The following SDK1 variants were observed in gnomAD, a reference collection of about 807,000 sequenced individuals.
SDK1 encodes sidekick cell adhesion molecule 1, also known as protein sidekick-1.
In SDK1, 157 loss-of-function variants were observed where a neutral mutation model predicts 245.5. That is an observed-to-expected ratio of 0.64 (90% confidence interval 0.56 to 0.73). SDK1 has a LOEUF of 0.73. SDK1 is among the 30% of genes least tolerant of loss of function. The pLI is 0.00. For synonymous variants in SDK1, 1,647 were observed against 1,278.5 expected (o/e 1.29, Z -6.15); for missense variants, 3,583 against 3,002.3 (o/e 1.19, Z -4.52).
At chr7:3,623,779 C>G (rs1253243847) in intron 2 of SDK1, among the ~76,000 whole-genome samples, 1 of 152,062 alleles carries the variant, frequency 6.6e-6, no homozygotes, top group African/African-American at 2.4e-5. Flanking sequence ...TAATGCTAGG[C>G]ACAATATTTA....
intron 4 of SDK1, among the ~76,000 whole-genome samples, chr7:3,724,380 C>A (rs769294353): frequency 6.6e-6 from 1 of 151,976 alleles, no homozygotes; most frequent in Non-Finnish European, 1.5e-5. Context: ...TGAGACCAGC[C>A]TGGGCAACAT....
chr7:3,436,946 G>T (rs1780039528), intron 1 of SDK1, among the ~76,000 whole-genome samples: 1 of 152,162 alleles, frequency 6.6e-6, no homozygotes, highest in Admixed American at 6.5e-5. Context: ...AGCAAAAAAT[G>T]TAGAACATAG....
intron 1 of SDK1, among the ~76,000 whole-genome samples, chr7:3,435,585 G>A (rs576015882): frequency 1.5e-4 from 23 of 151,754 alleles, no homozygotes; most frequent in African/African-American, 5.3e-4. Flanking sequence ...GGCTGGTTTC[G>A]AACTCCTGAG....
chr7:3,498,482 A>G (rs1782091893), intron 1 of SDK1, among the ~76,000 whole-genome samples: 2 of 152,194 alleles, frequency 1.3e-5, no homozygotes, highest in South Asian at 4.1e-4. Context: ...TAAATGATAC[A>G]TGTTAAGTGC....
chr7:3,533,052 C>T (rs1783402836), intron 1 of SDK1, among the ~76,000 whole-genome samples: 2 of 152,204 alleles, frequency 1.3e-5, no homozygotes, highest in Non-Finnish European at 2.9e-5. Context: ...TCCAATTATT[C>T]TATCAAATTA....
intron 1 of SDK1, among the ~76,000 whole-genome samples, chr7:3,541,757 C>T (rs2128620663): frequency 6.6e-6 from 1 of 152,194 alleles, no homozygotes; most frequent in Non-Finnish European, 1.5e-5. Context: ...GGAATTCCTC[C>T]AATAAGACAT....
chr7:3,767,661 A>G (rs778200643), intron 4 of SDK1, among the ~76,000 whole-genome samples: 14 of 152,204 alleles, frequency 9.2e-5, no homozygotes, highest in Non-Finnish European at 1.8e-4. Flanking sequence ...AGATGAAGAA[A>G]CAGAAGCACT....
intron 21 of SDK1, 79 bp from the exon 22 acceptor site, chr7:4,079,384 T>C: frequency 1.3e-6 from 2 of 1,535,952 alleles, no homozygotes; most frequent in Non-Finnish European, 1.8e-6. Context: ...TGTTTACTTT[T>C]GAAGCTGACA....
rs148356271 is a variant in SDK1, at chr7:3,379,424, TC to T, written c.298+77542del. Among the ~76,000 whole-genome samples, 621 of 152,054 alleles carry T rather than the reference TC, an allele frequency of 4.1e-3. 7 individuals are homozygous for T. Among genetic ancestry groups the T allele is most frequent in the African/African-American group, 0.014 (573 of 41,454 alleles). ...GCACGTGTGACAATTGACCTGAGAT[TC>T]CAAGGAAGAAAAGGAGTGACTCAGT... is the stretch of plus-strand genomic sequence containing the variant. On this transcript the variant is annotated intron_variant, in intron 1 of 44. Transcript: ENST00000404826.
At chr7:4,222,535 T>C (rs376067077) in intron 40 of SDK1, among the ~76,000 whole-genome samples, 32 of 152,292 alleles carry the variant, frequency 2.1e-4, no homozygotes, top group African/African-American at 7.2e-4. Context: ...CCTCAAGTGA[T>C]CTACCCTCCT....
intron 40 of SDK1, among the ~76,000 whole-genome samples, chr7:4,224,633 T>C (rs1330459110): frequency 6.6e-6 from 1 of 152,032 alleles, no homozygotes; most frequent in African/African-American, 2.4e-5. Context: ...TCAATTTTAG[T>C]TTATATATCT....
intron 1 of SDK1, among the ~76,000 whole-genome samples, chr7:3,589,547 G>T (rs1326218345): frequency 6.6e-6 from 1 of 152,182 alleles, no homozygotes; most frequent in Non-Finnish European, 1.5e-5. Context: ...AATTTATAAA[G>T]AAAAGAAGTT....
intron 1 of SDK1, among the ~76,000 whole-genome samples, chr7:3,545,764 C>T (rs574968120): frequency 2.0e-5 from 3 of 152,128 alleles, no homozygotes; most frequent in Non-Finnish European, 2.9e-5. Context: ...GACTTCTGGC[C>T]GCTGTTCTGT....
At chr7:3,871,340 T>C (rs1302753261) in intron 5 of SDK1, among the ~76,000 whole-genome samples, 1 of 152,230 alleles carries the variant, frequency 6.6e-6, no homozygotes, top group African/African-American at 2.4e-5. Flanking sequence ...AGTTTCTACA[T>C]AGACAATCAC....
At position 3,784,953 on chromosome 7, in the gene SDK1, A is replaced by G. The variant is rs148852866; in HGVS notation, c.714-36497A>G. Among the ~76,000 whole-genome samples the G allele has an allele frequency of 7.0e-3, 1,063 of 152,368 alleles. 2 individuals are homozygous for G. Among genetic ancestry groups the G allele is most frequent in the Non-Finnish European group, 0.012 (810 of 68,038 alleles). ...AGTAGCTGAGCTGTGGAATCAGCCT[A>G]AGAGTCCATCAGCAGATAACTGGGT... is the stretch of plus-strand genomic sequence containing the variant. On this transcript the variant is annotated intron_variant, in intron 4 of 44. Transcript: ENST00000404826.
At chr7:3,449,168 G>C (rs1282149713) in intron 1 of SDK1, among the ~76,000 whole-genome samples, 1 of 152,166 alleles carries the variant, frequency 6.6e-6, no homozygotes, top group African/African-American at 2.4e-5. Context: ...GGTTCTCCAA[G>C]TAAAGCTGTG....
chr7:3,582,872 CT>C (rs1780552871), intron 1 of SDK1, among the ~76,000 whole-genome samples: 1 of 152,082 alleles, frequency 6.6e-6, no homozygotes, highest in Admixed American at 6.5e-5. Flanking sequence ...GTGGCAACAA[CT>C]TTATCATTAA....
chr7:3,652,915 G>A (rs1165788984), intron 4 of SDK1, among the ~76,000 whole-genome samples: 1 of 152,196 alleles, frequency 6.6e-6, no homozygotes, highest in African/African-American at 2.4e-5. Flanking sequence ...TGTTCCAGTA[G>A]GATAGAATCA....
intron 4 of SDK1, among the ~76,000 whole-genome samples, chr7:3,657,212 C>A (rs1006558811): frequency 2.0e-5 from 3 of 152,152 alleles, no homozygotes; most frequent in African/African-American, 7.2e-5. Flanking sequence ...AGGGCTGGGG[C>A]CATGAGGAGG....
Sources: allele counts gnomAD v4.1 joint callset (sites outside exome capture counted in the v4.1 genomes callset), GRCh38; gene constraint gnomAD v4.1.1; transcripts MANE v1.5; gene names NCBI Gene and HGNC (gene_info 2026-07-23, HGNC 2026-07-21).